The following ASH1L variants were observed in gnomAD, a reference collection of about 807,000 sequenced individuals.
ASH1L encodes the protein histone-lysine N-methyltransferase ASH1L.
ASH1L carries 23 observed loss-of-function variants against 269.0 expected under a neutral mutation model. That is an observed-to-expected ratio of 0.09 (90% CI 0.06 to 0.12). The LOEUF (loss-of-function observed/expected upper bound fraction) is 0.12. Among genes scored for constraint, ASH1L ranks in the 10% least tolerant of loss-of-function variants. The pLI, the probability that ASH1L is intolerant of heterozygous loss-of-function variation, is 1.00. For missense variants in ASH1L, 2,912 were observed against 3,567.8 expected, an observed-to-expected ratio of 0.82 and a Z score of 4.68; for synonymous variants, 1,187 against 1,253.5, an observed-to-expected ratio of 0.95 and a Z score of 1.12.
intron 3 of ASH1L, among the ~76,000 whole-genome samples, chr1:155,463,891 A>T (rs749016273): frequency 2.6e-5 from 4 of 152,164 alleles, no homozygotes; most frequent in Non-Finnish European, 5.9e-5. Context: ...CCTTAAACAT[A>T]GAGTGAATCC....
At position 155,347,923 on chromosome 1, in the gene ASH1L, G is replaced by A. The variant is rs3748558; in HGVS notation, c.7555-19C>T. ...AGTACTTCTGAAGAAAGCAAATAAA[G>A]AAATCATGTTTGGTTCTCTCAATGT... On this transcript the variant is annotated intron_variant, in intron 19 of 27. Coordinates refer to ENST00000392403, the MANE Select transcript of ASH1L (RefSeq NM_018489.3). 269 of 1,611,768 alleles carry A rather than the reference G, an allele frequency of 1.7e-4. 1 individual carries two copies. In the East Asian group the frequency reaches 5.7e-3, roughly 34 times the overall value.
chr1:155,478,699 G>A lies in ASH1L; in HGVS notation c.4171C>T (p.Leu1391Phe), dbSNP rs200342675. 1.1e-4 allele frequency: 173 copies of A among 1,613,920 alleles called. No homozygotes were observed. Among genetic ancestry groups the A allele is most frequent in the Non-Finnish European group, 1.4e-4 (167 of 1,180,020 alleles). The stretch of plus-strand genomic sequence containing the variant: ...CCTAATCCTATGGGAGCAGCTGTAA[G>A]GGGTGAAGGAGAGTAAGGCATACCA... ...SYGMPYSPSP[L>F]TAAPIGLGYY... The change falls in exon 3 of 28, where the codon CTT becomes TTT. Residue 1391 changes from leucine to phenylalanine, a missense_variant. Around this residue, in one of 13 missense-constraint regions of ASH1L, gnomAD observed 789 missense variants for 897.6 expected, o/e 0.88. Transcript: ENST00000392403. The surrounding 1 kb of genome is among the most constrained non-coding windows in gnomAD (Gnocchi z 4.6).
intron 2 of ASH1L, among the ~76,000 whole-genome samples, chr1:155,508,048 G>A (rs1487185342): frequency 6.7e-6 from 1 of 148,402 alleles, no homozygotes; most frequent in Non-Finnish European, 1.5e-5. Context: ...CTACAATCAC[G>A]TATTATGTAA....
chr1:155,436,023 G>A (rs1571210820), intron 5 of ASH1L, among the ~76,000 whole-genome samples: 1 of 152,116 alleles, frequency 6.6e-6, no homozygotes, highest in Non-Finnish European at 1.5e-5. Context: ...TGCACTCCAG[G>A]CTGGGTGACA....
In ASH1L at chr1:155,438,690, T is replaced by C. The variant is rs1323003237; in HGVS notation, c.5465A>G (p.Asn1822Ser). 3.1e-6 allele frequency: 5 copies of C among 1,614,090 alleles called. No individual in the cohort carries two copies. The highest frequency in any genetic ancestry group is 1.7e-5 in the Admixed American group (1 of 59,982). The change falls in exon 5 of 28, where the codon AAC (asparagine) becomes AGC (serine). Residue 1822 changes from asparagine (N) to serine (S), a missense_variant. By Grantham distance (46) the Asn-to-Ser change is conservative. This residue lies in a region of ASH1L where 789 missense variants were observed against 897.6 expected (regional missense o/e 0.88). Coordinates refer to ENST00000392403, the MANE Select transcript of ASH1L (RefSeq NM_018489.3). ...NYDKILATKK[N>S]LDHVNKILKA... ...TAAGATTTTATTGACATGGTCTAGG[T>C]TTTTCTTTGTGGCCAAGATTTTGTC...
intron 5 of ASH1L, among the ~76,000 whole-genome samples, chr1:155,419,936 T>C (rs774296533): frequency 6.6e-6 from 1 of 152,162 alleles, no homozygotes; most frequent in Non-Finnish European, 1.5e-5. Flanking sequence ...TACACAACAA[T>C]GTTGCAGAAT....
rs191144148 is a variant in ASH1L, at chr1:155,449,156, G to A, written c.5087-10088C>T. ...TCACCATGTTGGCCAGGATGGTCTC[G>A]ATCTCTTGACCTCATGATCCACTCG... On this transcript the variant is annotated intron_variant, in intron 4 of 27. Transcript: ENST00000392403. Among the ~76,000 whole-genome samples the A allele has an allele frequency of 5.4e-4, 82 of 151,068 alleles. 1 individual carries two copies. The highest frequency in any genetic ancestry group is 1.9e-3 in the African/African-American group (79 of 41,170).
intron 1 of ASH1L, among the ~76,000 whole-genome samples, chr1:155,557,939 T>C (rs2148926667): frequency 6.6e-6 from 1 of 152,320 alleles, no homozygotes; most frequent in South Asian, 2.1e-4. Flanking sequence ...GTATACTACC[T>C]TTAAAAGACT....
At chr1:155,453,722 C>T (rs1663662177) in intron 4 of ASH1L, among the ~76,000 whole-genome samples, 1 of 152,078 alleles carries the variant, frequency 6.6e-6, no homozygotes, top group Non-Finnish European at 1.5e-5. Flanking sequence ...TCACTTGAAC[C>T]CGGGAGGCAG....
chr1:155,501,485 T>G (rs1029729374), intron 2 of ASH1L, among the ~76,000 whole-genome samples: 2 of 151,934 alleles, frequency 1.3e-5, no homozygotes, highest in South Asian at 2.1e-4. Flanking sequence ...ATTATCGTAC[T>G]CCATCCCTCC....
chr1:155,496,932 C>T (rs571616018), intron 2 of ASH1L, among the ~76,000 whole-genome samples: 1 of 152,194 alleles, frequency 6.6e-6, no homozygotes, highest in African/African-American at 2.4e-5. Context: ...AGGTGTAAGC[C>T]ACCCCACCCA....
In ASH1L at chr1:155,439,170, G is replaced by T. The variant is rs2148620973; in HGVS notation, c.5087-102C>A. 4.0e-6 allele frequency: 5 copies of T among 1,235,150 alleles called. No individual in the cohort carries two copies. In the East Asian group the frequency reaches 1.2e-4, roughly 30 times the overall value. 76.5% of individuals were successfully genotyped at this position (1,235,150 alleles called of 1,614,324 possible). ...AGGGAGTACTACTCTATTTTCCATAGCAAGATTACACATCATAGGTAAATT... is the reference window on the plus strand; with the variant it reads ...AGGGAGTACTACTCTATTTTCCATATCAAGATTACACATCATAGGTAAATT... On this transcript the variant is annotated intron_variant, in intron 4 of 27. Coordinates refer to ENST00000392403, the MANE Select transcript of ASH1L (RefSeq NM_018489.3).
intron 2 of ASH1L, among the ~76,000 whole-genome samples, chr1:155,514,157 A>C (rs1212871778): frequency 6.6e-6 from 1 of 152,316 alleles, no homozygotes; most frequent in Admixed American, 6.5e-5. Context: ...GAGAATGAAG[A>C]GTTAATAGAG....
chr1:155,356,921 T>C (rs1025673827), intron 15 of ASH1L, among the ~76,000 whole-genome samples: 1 of 136,410 alleles, frequency 7.3e-6, no homozygotes, highest in Non-Finnish European at 1.5e-5. Flanking sequence ...AGACCTTGTC[T>C]CTACAAAAAA....
At position 155,479,409 on chromosome 1, in the gene ASH1L, G is replaced by A; in HGVS notation, c.3461C>T (p.Ala1154Val). The change falls in exon 3 of 28, where the codon GCC (alanine) becomes GTC (valine). Residue 1154 changes from alanine (A) to valine (V), a missense_variant. Ala to Val is a moderately conservative substitution (Grantham distance 64, BLOSUM62 0). Transcript: ENST00000392403. Reference sequence around the variant, plus strand: ...AGATAACCGCCTCCTCCCCTTTGAGGCCTTCTTCATTGCAAGAGTCTGAAT... The same window carrying A: ...AGATAACCGCCTCCTCCCCTTTGAGACCTTCTTCATTGCAAGAGTCTGAAT... ...SMIQTLAMKK[A>V]SKGRRRLSPP... 2 of 1,614,084 alleles carry A rather than the reference G, an allele frequency of 1.2e-6. No homozygotes were observed. Among genetic ancestry groups the A allele is most frequent in the Non-Finnish European group, 1.7e-6 (2 of 1,180,008 alleles).
chr1:155,466,847 G>GA (rs1265603119), intron 3 of ASH1L, among the ~76,000 whole-genome samples: 1 of 152,056 alleles, frequency 6.6e-6, no homozygotes, highest in Non-Finnish European at 1.5e-5. Context: ...CAGCACTAGA[G>GA]AAATTGTTTG....
At chr1:155,476,318 G>A (rs929101850) in intron 3 of ASH1L, among the ~76,000 whole-genome samples, 2 of 151,706 alleles carry the variant, frequency 1.3e-5, no homozygotes, top group Admixed American at 6.6e-5. Flanking sequence ...CCCGGGAGGC[G>A]GAGGTTGCAG....
At chr1:155,459,978 G>T in intron 3 of ASH1L, 80 bp from the exon 4 acceptor site, 3 of 1,156,266 alleles carry the variant, frequency 2.6e-6, no homozygotes, top group South Asian at 1.6e-5. Flanking sequence ...GTTAGAACTT[G>T]TTACAGTTTA....
intron 2 of ASH1L, among the ~76,000 whole-genome samples, chr1:155,488,535 G>T (rs1016613645): frequency 2.7e-5 from 4 of 149,046 alleles, no homozygotes; most frequent in African/African-American, 9.8e-5. Flanking sequence ...TTAGCAGGGT[G>T]GCGCATGCCT....
Sources: gnomAD v4.1 joint callset for allele counts (sites outside exome capture counted in the v4.1 genomes callset) on GRCh38, gnomAD v4.1.1 for gene constraint, gnomAD v4.1.1 regional missense constraint, Gnocchi (gnomAD v3.1) non-coding constraint, MANE v1.5 for transcripts, NCBI Gene and HGNC (gene_info 2026-07-23, HGNC 2026-07-21) for gene names.